The following ROBO1 variants were observed in gnomAD, a reference collection of about 807,000 sequenced individuals.
ROBO1 encodes the protein roundabout homolog 1.
A neutral mutation model predicts 195.9 loss-of-function variants in ROBO1; 149 were observed. The observed-to-expected ratio is 0.76, with a 90% CI of 0.67 to 0.87. The LOEUF (loss-of-function observed/expected upper bound fraction) is 0.87. ROBO1 is among the 40% of genes least tolerant of loss of function. The pLI, the probability that ROBO1 is intolerant of heterozygous loss-of-function variation, is 0.00. For synonymous variants in ROBO1, 816 were observed against 733.2 expected (o/e 1.11, Z -1.82); for missense variants, 1,933 against 2,068.3 (o/e 0.93, Z 1.27).
intron 2 of ROBO1, among the ~76,000 whole-genome samples, chr3:79,387,796 T>C (rs2036809080): frequency 6.6e-6 from 1 of 152,196 alleles, no homozygotes; most frequent in Non-Finnish European, 1.5e-5. Context: ...TTTGAAACTT[T>C]GCAATAGCAA....
intron 9 of ROBO1, among the ~76,000 whole-genome samples, chr3:78,687,480 GT>G (rs1173519123): frequency 6.6e-6 from 1 of 152,098 alleles, no homozygotes; most frequent in Non-Finnish European, 1.5e-5. Context: ...TAAATGACCT[GT>G]TTTTTATAAG....
At chr3:79,660,699 A>G (rs1946303534) in intron 1 of ROBO1, among the ~76,000 whole-genome samples, 1 of 152,104 alleles carries the variant, frequency 6.6e-6, no homozygotes, top group African/African-American at 2.4e-5. Flanking sequence ...AACACGTAAG[A>G]TCAGAGAGAA....
intron 2 of ROBO1, among the ~76,000 whole-genome samples, chr3:79,415,221 A>G (rs2106890537): frequency 6.6e-6 from 1 of 152,278 alleles, no homozygotes; most frequent in East Asian, 1.9e-4. Flanking sequence ...AACAACTGCA[A>G]GGAATTGCAG....
At chr3:78,988,644 T>C (rs372951516) in intron 3 of ROBO1, among the ~76,000 whole-genome samples, 1 of 152,216 alleles carries the variant, frequency 6.6e-6, no homozygotes, top group African/African-American at 2.4e-5. Context: ...TGGTGCATTA[T>C]TTCTGTCACT....
At chr3:79,727,149 C>T (rs1323387033) in intron 1 of ROBO1, among the ~76,000 whole-genome samples, 1 of 152,122 alleles carries the variant, frequency 6.6e-6, no homozygotes, top group Non-Finnish European at 1.5e-5. Context: ...TGTCCAAGGC[C>T]CACTAGAGAA....
chr3:79,033,010 A>G (rs1411148726), intron 3 of ROBO1, among the ~76,000 whole-genome samples: 1 of 152,104 alleles, frequency 6.6e-6, no homozygotes, highest in Non-Finnish European at 1.5e-5. Context: ...ATAAAACAAT[A>G]TATTAGAGTG....
chr3:79,592,114 G>T (rs182400109), intron 1 of ROBO1, among the ~76,000 whole-genome samples: 2 of 151,752 alleles, frequency 1.3e-5, no homozygotes, highest in East Asian at 3.9e-4. Context: ...TGTATCTGTG[G>T]CTAATTACAT....
At chr3:79,650,453 A>C (rs1308195058) in intron 1 of ROBO1, among the ~76,000 whole-genome samples, 1 of 151,758 alleles carries the variant, frequency 6.6e-6, no homozygotes, top group Non-Finnish European at 1.5e-5. Context: ...TACTGATATA[A>C]TAGGCAAGTT....
At chr3:79,349,724 C>A (rs1473846181) in intron 2 of ROBO1, among the ~76,000 whole-genome samples, 1 of 152,156 alleles carries the variant, frequency 6.6e-6, no homozygotes, top group Non-Finnish European at 1.5e-5. Flanking sequence ...AAATAATAAT[C>A]TTTTCAACAA....
At chr3:78,734,475 C>T (rs997792735) in intron 5 of ROBO1, among the ~76,000 whole-genome samples, 1 of 151,726 alleles carries the variant, frequency 6.6e-6, no homozygotes, top group Non-Finnish European at 1.5e-5. Flanking sequence ...GTGGGATGAT[C>T]ACCTGAGCCC....
At chr3:79,703,475 T>A (rs1050020233) in intron 1 of ROBO1, among the ~76,000 whole-genome samples, 8 of 151,798 alleles carry the variant, frequency 5.3e-5, no homozygotes, top group African/African-American at 1.9e-4. Flanking sequence ...TATCTACATT[T>A]TGTTCCAAAG....
At chr3:79,408,780 T>C (rs1175330293) in intron 2 of ROBO1, among the ~76,000 whole-genome samples, 1 of 152,200 alleles carries the variant, frequency 6.6e-6, no homozygotes, top group East Asian at 1.9e-4. Flanking sequence ...TTCTATATTT[T>C]AGATTTATAG....
chr3:78,659,414 T>C (rs1433510086), intron 17 of ROBO1, among the ~76,000 whole-genome samples: 1 of 152,168 alleles, frequency 6.6e-6, no homozygotes, highest in East Asian at 1.9e-4. Flanking sequence ...AGAACATGTA[T>C]AGTCTTATTT....
chr3:78,872,691 A>G (rs933784380), intron 4 of ROBO1, among the ~76,000 whole-genome samples: 1 of 152,184 alleles, frequency 6.6e-6, no homozygotes, highest in Admixed American at 6.5e-5. Flanking sequence ...GTGCCTAGGT[A>G]TTTAAAAGCA....
At chr3:79,731,725 C>A (rs1330484799) in intron 1 of ROBO1, among the ~76,000 whole-genome samples, 3 of 152,096 alleles carry the variant, frequency 2.0e-5, no homozygotes, top group Non-Finnish European at 2.9e-5. Flanking sequence ...ACAGATGAAG[C>A]CCCTAGCATA....
At position 79,383,652 on chromosome 3, in the gene ROBO1, A is replaced by G. The variant is rs143584915; in HGVS notation, c.88+206172T>C. Among the ~76,000 whole-genome samples the G allele has an allele frequency of 3.7e-3, 561 of 152,046 alleles. 2 individuals carry two copies. The highest frequency in any genetic ancestry group is 0.013 in the African/African-American group (537 of 41,474). On this transcript the variant is annotated intron_variant, in intron 2 of 30. Coordinates refer to ENST00000464233, the MANE Select transcript of ROBO1 (RefSeq NM_002941.4). ...CATTCCCCAGAAAGTAACGTTTTTT[A>G]CTCACTATTAATCTACCAAAAAAGT... is the stretch of plus-strand genomic sequence containing the variant.
intron 3 of ROBO1, among the ~76,000 whole-genome samples, chr3:78,996,730 A>C (rs1576535437): frequency 2.0e-5 from 3 of 151,936 alleles, no homozygotes; most frequent in Admixed American, 2.0e-4. Flanking sequence ...ACACACACAC[A>C]CCCCTTTTGA....
chr3:79,443,560 T>C (rs1402331240), intron 2 of ROBO1, among the ~76,000 whole-genome samples: 1 of 152,136 alleles, frequency 6.6e-6, no homozygotes, highest in Admixed American at 6.6e-5. Flanking sequence ...CCTAAATGAA[T>C]TGAGAAATAT....
chr3:79,364,076 C>T (rs977454686), intron 2 of ROBO1, among the ~76,000 whole-genome samples: 2 of 151,890 alleles, frequency 1.3e-5, no homozygotes, highest in Admixed American at 6.6e-5. Flanking sequence ...TGGTGGCACG[C>T]ACCTGTAGTC....
Sources: allele counts gnomAD v4.1 joint callset (sites outside exome capture counted in the v4.1 genomes callset), GRCh38; gene constraint gnomAD v4.1.1; transcripts MANE v1.5; gene names NCBI Gene and HGNC (gene_info 2026-07-23, HGNC 2026-07-21).